MACROD1: variants seen among roughly 807,000 people sequenced by gnomAD.
MACROD1 encodes ADP-ribose glycohydrolase MACROD1.
In MACROD1, 31 loss-of-function variants were observed where a neutral mutation model predicts 41.4. The observed-to-expected ratio is 0.75, with a 90% CI of 0.56 to 1.01. The LOEUF (loss-of-function observed/expected upper bound fraction) is 1.01, where lower values mean the gene tolerates loss of function less well. Among genes scored for constraint, MACROD1 ranks in the 50% least tolerant of loss-of-function variants. The pLI, the probability that MACROD1 is intolerant of heterozygous loss-of-function variation, is 0.00. For synonymous variants in MACROD1, 252 were observed against 203.4 expected (o/e 1.24, Z -2.03); for missense variants, 473 against 460.0 (o/e 1.03, Z -0.26).
intron 1 of MACROD1, among the ~76,000 whole-genome samples, chr11:64,156,152 G>A (rs1479968627): frequency 6.6e-6 from 1 of 150,632 alleles, no homozygotes; most frequent in East Asian, 2.0e-4. Flanking sequence ...TGGTGGACAT[G>A]TGCCTGTAGT....
Position 64,036,321 on chromosome 11 carries a change from G to A in MACROD1, c.518-21040C>T, listed in dbSNP as rs998936780. 5.9e-5 allele frequency among the ~76,000 whole-genome samples: 9 copies of A among 152,130 alleles called. No individual in the cohort carries two copies. The highest frequency in any genetic ancestry group is 2.0e-4 in the Admixed American group (3 of 15,282). ...GCGGGAGATGGGACGCCCAGCCTTT[G>A]GGATTTGGGGTGGGGGTCCCTGAGT... On this transcript the variant is annotated intron_variant, in intron 3 of 10. Coordinates refer to ENST00000255681, the MANE Select transcript of MACROD1 (RefSeq NM_014067.4). This position sits in a 1 kb window ranked among gnomAD's most constrained non-coding sequence, Gnocchi z 5.6.
chr11:64,150,341 G>A (rs1169824058), intron 3 of MACROD1, among the ~76,000 whole-genome samples: 1 of 152,228 alleles, frequency 6.6e-6, no homozygotes, highest in Non-Finnish European at 1.5e-5. Context: ...AAGGAGACTC[G>A]AGAAGCTCCT....
intron 1 of MACROD1, among the ~76,000 whole-genome samples, chr11:64,158,161 T>C (rs1202371655): frequency 6.6e-6 from 1 of 152,220 alleles, no homozygotes; most frequent in Non-Finnish European, 1.5e-5. Context: ...CCCTGGCTTC[T>C]GCACAGTGTG....
chr11:64,160,166 A>G (rs1331784708), intron 1 of MACROD1, among the ~76,000 whole-genome samples: 1 of 152,110 alleles, frequency 6.6e-6, no homozygotes. Context: ...TCAAACAGGG[A>G]AGCTTACCTG....
chr11:64,130,695 A>G (rs889238247), intron 3 of MACROD1, among the ~76,000 whole-genome samples: 4 of 151,944 alleles, frequency 2.6e-5, no homozygotes, highest in South Asian at 2.1e-4. Flanking sequence ...CCCCCCACAC[A>G]TGCCGCTGCC....
chr11:64,133,496 C>T (rs1945293599), intron 3 of MACROD1, among the ~76,000 whole-genome samples: 1 of 152,118 alleles, frequency 6.6e-6, no homozygotes. Context: ...TGAAGTGTGG[C>T]TCGCGTTCTC....
At chr11:64,103,563 C>T (rs1944707881) in intron 3 of MACROD1, 1 of 149,940 alleles carries the variant, frequency 6.7e-6, no homozygotes, top group Admixed American at 6.7e-5. Flanking sequence ...CCAGCCCATT[C>T]TGCCAAGTGA....
intron 3 of MACROD1, among the ~76,000 whole-genome samples, chr11:64,147,602 T>C (rs970460364): frequency 6.6e-6 from 1 of 151,768 alleles, no homozygotes. Context: ...TTTGTATTTT[T>C]AGTAGAGATG....
intron 3 of MACROD1, among the ~76,000 whole-genome samples, chr11:64,024,986 A>T (rs1236889942): frequency 1.3e-5 from 2 of 151,844 alleles, no homozygotes; most frequent in Non-Finnish European, 2.9e-5. Flanking sequence ...TAATTTTTAA[A>T]TTTTTTTTGA....
intron 3 of MACROD1, among the ~76,000 whole-genome samples, chr11:64,139,880 TG>T (rs1945386760): frequency 6.7e-6 from 1 of 150,180 alleles, no homozygotes; most frequent in African/African-American, 2.5e-5. Context: ...AGCATGAACC[TG>T]GGAGGCGAAG....
At chr11:64,144,143 T>C (rs993883619) in intron 3 of MACROD1, among the ~76,000 whole-genome samples, 3 of 150,336 alleles carry the variant, frequency 2.0e-5, no homozygotes, top group African/African-American at 7.4e-5. Flanking sequence ...CTTCCCACAG[T>C]GTCCCGTCCA....
At position 64,096,444 on chromosome 11, in the gene MACROD1, G is replaced by A. The variant is rs892075155; in HGVS notation, c.517+54795C>T. Among the ~76,000 whole-genome samples, 1 of 151,126 alleles carries A rather than the reference G, an allele frequency of 6.6e-6. No individual in the cohort carries two copies. The highest frequency in any genetic ancestry group is 1.5e-5 in the Non-Finnish European group (1 of 67,800). On this transcript the variant is annotated intron_variant, in intron 3 of 10. Coordinates refer to ENST00000255681, the MANE Select transcript of MACROD1 (RefSeq NM_014067.4). This position sits in a 1 kb window ranked among gnomAD's most constrained non-coding sequence, Gnocchi z 4.6. ...TTTTTTTTTTTTGAGACTGAGTCTCGCTGTGCTGCCCAGGATGATGAAGTG... is the reference window on the plus strand; with the variant it reads ...TTTTTTTTTTTTGAGACTGAGTCTCACTGTGCTGCCCAGGATGATGAAGTG...
At chr11:64,130,311 A>G (rs1457721183) in intron 3 of MACROD1, among the ~76,000 whole-genome samples, 1 of 152,196 alleles carries the variant, frequency 6.6e-6, no homozygotes, top group East Asian at 1.9e-4. Flanking sequence ...ACTCAGGACT[A>G]AAAAGCTCCT....
intron 3 of MACROD1, among the ~76,000 whole-genome samples, chr11:64,150,900 GT>G (rs1945565292): frequency 6.6e-6 from 1 of 152,216 alleles, no homozygotes; most frequent in African/African-American, 2.4e-5. Context: ...AGGAAGGCAG[GT>G]GCTGGTTGGG....
At chr11:64,081,052 T>G (rs2701546) in intron 3 of MACROD1, among the ~76,000 whole-genome samples, 65,122 of 152,052 alleles carry the variant, frequency 0.43, 14,160 homozygotes, top group East Asian at 0.58. Context: ...GATGAAGTCT[T>G]GCCCTGTCCC....
At chr11:64,004,956 G>T (rs1400984027) in intron 4 of MACROD1, among the ~76,000 whole-genome samples, 1 of 152,114 alleles carries the variant, frequency 6.6e-6, no homozygotes, top group Non-Finnish European at 1.5e-5. Flanking sequence ...GGAGACTGAG[G>T]GCCAGGGGGG....
chr11:64,066,441 C>G (rs1176785579), intron 3 of MACROD1, among the ~76,000 whole-genome samples: 10 of 151,332 alleles, frequency 6.6e-5, no homozygotes, highest in Non-Finnish European at 1.3e-4. Flanking sequence ...AGCAAGAACC[C>G]CGCTATCTCT....
intron 3 of MACROD1, among the ~76,000 whole-genome samples, chr11:64,094,670 G>A (rs1273361497): frequency 2.6e-5 from 4 of 152,180 alleles, no homozygotes; most frequent in Non-Finnish European, 5.9e-5. Flanking sequence ...TGCTGCGGGC[G>A]GGACCATTTG....
intron 3 of MACROD1, chr11:64,116,556 G>A (rs957833140): frequency 1.3e-5 from 21 of 1,613,846 alleles, no homozygotes; most frequent in Non-Finnish European, 1.6e-5. Context: ...CAACAACGCC[G>A]GCATCCCCCA....
Sources: allele counts gnomAD v4.1 joint callset (sites outside exome capture counted in the v4.1 genomes callset), GRCh38; gene constraint gnomAD v4.1.1; non-coding constraint Gnocchi (gnomAD v3.1); transcripts MANE v1.5; gene names NCBI Gene and HGNC (gene_info 2026-07-23, HGNC 2026-07-21).